The following CCSER1 variants were observed in gnomAD, a reference collection of about 807,000 sequenced individuals.
The protein encoded by CCSER1 is coiled-coil serine rich protein 1.
A neutral mutation model predicts 82.0 loss-of-function variants in CCSER1; 41 were observed. That is an observed-to-expected ratio of 0.50 (90% CI 0.39 to 0.65). CCSER1 has a LOEUF of 0.65. Ranked by LOEUF, CCSER1 falls within the 30% of genes least tolerant of loss-of-function variation. The probability of loss-of-function intolerance (pLI) is 0.00; values close to 1 mark genes in which losing one functional copy is unlikely to be tolerated. For missense variants in CCSER1, 1,119 were observed against 1,064.2 expected, an observed-to-expected ratio of 1.05 and a Z score of -0.72; for synonymous variants, 414 against 383.9, an observed-to-expected ratio of 1.08 and a Z score of -0.92.
At chr4:90,564,095 T>C (rs1779099325) in intron 5 of CCSER1, among the ~76,000 whole-genome samples, 1 of 152,212 alleles carries the variant, frequency 6.6e-6, no homozygotes, top group African/African-American at 2.4e-5. Context: ...GAGAAATATC[T>C]AATCATGTAT....
chr4:90,613,423 G>C (rs956000), intron 5 of CCSER1, among the ~76,000 whole-genome samples: 68,707 of 151,918 alleles, frequency 0.45, 18,141 homozygotes, highest in African/African-American at 0.74. Flanking sequence ...CTTTCAAGAG[G>C]TGGGCATCTC....
intron 8 of CCSER1, among the ~76,000 whole-genome samples, chr4:90,833,214 G>A (rs1342221138): frequency 1.3e-5 from 2 of 152,154 alleles, no homozygotes. Flanking sequence ...TTGCTGCGCT[G>A]TGTCCTCAAA....
Position 90,634,084 on chromosome 4 carries a change from A to T in CCSER1, c.1932+5852A>T, listed in dbSNP as rs1421458000. Among the ~76,000 whole-genome samples the T allele has an allele frequency of 3.3e-5, 5 of 151,746 alleles. No individual in the cohort carries two copies. In the South Asian group the frequency reaches 1.0e-3, roughly 31 times the overall value. ...AAAAATTTTATGATCTATAAAAGAA[A>T]ATGTTTAATATCTACAGAGGTGGGT... On this transcript the variant is annotated intron_variant, in intron 6 of 10. Transcript: ENST00000509176.
At chr4:91,253,367 C>T (rs1740413338) in intron 10 of CCSER1, among the ~76,000 whole-genome samples, 1 of 152,068 alleles carries the variant, frequency 6.6e-6, no homozygotes, top group African/African-American at 2.4e-5. Flanking sequence ...AAACTTTCGT[C>T]AAAAGTAAGC....
chr4:90,296,234 A>G (rs1731880017), intron 1 of CCSER1, among the ~76,000 whole-genome samples: 1 of 152,112 alleles, frequency 6.6e-6, no homozygotes, highest in Non-Finnish European at 1.5e-5. Context: ...TTATTCAGTC[A>G]TGTGCAGTCA....
At chr4:90,456,996 T>C (rs1340292419) in intron 4 of CCSER1, among the ~76,000 whole-genome samples, 1 of 152,150 alleles carries the variant, frequency 6.6e-6, no homozygotes, top group African/African-American at 2.4e-5. Flanking sequence ...CTGGCTCAGA[T>C]CCGATGCCTG....
chr4:91,364,695 G>A (rs2149316537), intron 10 of CCSER1, among the ~76,000 whole-genome samples: 1 of 151,962 alleles, frequency 6.6e-6, no homozygotes. Context: ...CCATAATTCA[G>A]GTTATTAATC....
chr4:90,727,056 T>A lies in CCSER1; in HGVS notation c.2010+3065T>A, dbSNP rs73833784. 1,373 of 346,500 alleles carry A rather than the reference T, an allele frequency of 4.0e-3. 16 individuals carry two copies. The highest frequency in any genetic ancestry group is 0.028 in the African/African-American group (1,306 of 46,864). The allele number at this position is 346,500 out of a possible 1,614,324, so 21.5% of individuals were successfully genotyped here. A position where few individuals can be genotyped will look rare whatever the true frequency, so the allele number is the denominator to read the frequency against. ...CCAGATTTCCTGGGCAGCCTCTTGA[T>A]ACTGAGGAGTTTCTAGGATGCTTGG... On this transcript the variant is annotated intron_variant, in intron 7 of 10. Coordinates refer to ENST00000509176, the MANE Select transcript of CCSER1 (RefSeq NM_001145065.2).
chr4:90,659,164 A>G (rs1475264847), intron 6 of CCSER1, among the ~76,000 whole-genome samples: 6 of 150,788 alleles, frequency 4.0e-5, no homozygotes, highest in African/African-American at 1.5e-4. Context: ...TCGTTGACTC[A>G]CATCAGTTTT....
At chr4:90,715,966 G>A (rs570499711) in intron 6 of CCSER1, among the ~76,000 whole-genome samples, 8 of 151,664 alleles carry the variant, frequency 5.3e-5, no homozygotes, top group African/African-American at 1.2e-4. Context: ...CCCATAAAAT[G>A]TAATACTATA....
chr4:90,485,247 G>A (rs1282743627), intron 5 of CCSER1, among the ~76,000 whole-genome samples: 1 of 152,092 alleles, frequency 6.6e-6, no homozygotes, highest in African/African-American at 2.4e-5. Flanking sequence ...GGGTGGGAGT[G>A]ACCCAATTTT....
At chr4:90,634,103 G>A (rs1724995949) in intron 6 of CCSER1, among the ~76,000 whole-genome samples, 1 of 151,464 alleles carries the variant, frequency 6.6e-6, no homozygotes, top group Non-Finnish European at 1.5e-5. Flanking sequence ...TATCTACAGA[G>A]GTGGGTTTTG....
chr4:91,546,278 G>C lies in CCSER1; in HGVS notation c.2218-52294G>C, dbSNP rs558492614. On this transcript the variant is annotated intron_variant, in intron 10 of 10. Transcript: ENST00000509176. ...AGTAGAGTAATGCTGACCTTATATAGAGAATGAGTTAGGAACCATTCCTTC... is the reference window on the plus strand; with the variant it reads ...AGTAGAGTAATGCTGACCTTATATACAGAATGAGTTAGGAACCATTCCTTC... Among the ~76,000 whole-genome samples, 4 of 152,146 alleles carry C rather than the reference G, an allele frequency of 2.6e-5. No individual in the cohort carries two copies. The South Asian group carries it at 8.3e-4, about 32-fold the overall frequency.
At chr4:91,310,181 T>G (rs1322324870) in intron 10 of CCSER1, among the ~76,000 whole-genome samples, 1 of 151,900 alleles carries the variant, frequency 6.6e-6, no homozygotes, top group Non-Finnish European at 1.5e-5. Context: ...CATCCCGTGT[T>G]CTGCATTCCA....
At chr4:90,420,111 C>T (rs938684636) in intron 4 of CCSER1, among the ~76,000 whole-genome samples, 3 of 151,714 alleles carry the variant, frequency 2.0e-5, no homozygotes, top group African/African-American at 7.3e-5. Context: ...ATATAATTAT[C>T]GATAATACAT....
intron 10 of CCSER1, among the ~76,000 whole-genome samples, chr4:91,304,747 C>T (rs1019568714): frequency 2.6e-5 from 4 of 152,010 alleles, no homozygotes; most frequent in South Asian, 2.1e-4. Context: ...ATACAATCCC[C>T]GAATGTTAAT....
intron 6 of CCSER1, among the ~76,000 whole-genome samples, chr4:90,698,951 A>C (rs935386571): frequency 1.3e-5 from 2 of 152,064 alleles, no homozygotes; most frequent in African/African-American, 4.8e-5. Flanking sequence ...CAAATAAAAA[A>C]ATTAACCAGG....
rs552801053 is a variant in CCSER1, at chr4:90,695,630, A to C, written c.1933-28284A>C. 8.5e-5 allele frequency among the ~76,000 whole-genome samples: 13 copies of C among 152,194 alleles called. No homozygotes were observed. In the East Asian group the frequency reaches 2.5e-3, roughly 29 times the overall value. Reference sequence around the variant, plus strand: ...GAGGTCATGTGATTTTTGTCTGTGTACATGGGACTTTTACTTGCTCCTTTA... The same window carrying C: ...GAGGTCATGTGATTTTTGTCTGTGTCCATGGGACTTTTACTTGCTCCTTTA... On this transcript the variant is annotated intron_variant, in intron 6 of 10. Transcript: ENST00000509176.
At position 90,406,910 on chromosome 4, in the gene CCSER1, T is replaced by G. The variant is rs1284053237; in HGVS notation, c.1603+6781T>G. Among the ~76,000 whole-genome samples, 63 of 152,086 alleles carry G rather than the reference T, an allele frequency of 4.1e-4. 1 individual carries two copies. Among genetic ancestry groups the G allele is most frequent in the Admixed American group, 4.1e-3 (63 of 15,270 alleles). ...AATGCCTACATCAAAAATTCTGAAA[T>G]AGCACAAATGGGCAATCTAAGCTCA... is the stretch of plus-strand genomic sequence containing the variant. On this transcript the variant is annotated intron_variant, in intron 4 of 10. Coordinates refer to ENST00000509176, the MANE Select transcript of CCSER1 (RefSeq NM_001145065.2).
Sources: gnomAD v4.1 joint callset for allele counts (sites outside exome capture counted in the v4.1 genomes callset) on GRCh38, gnomAD v4.1.1 for gene constraint, MANE v1.5 for transcripts, NCBI Gene and HGNC (gene_info 2026-07-23, HGNC 2026-07-21) for gene names.